The following KHDRBS2 variants were observed in gnomAD, a reference collection of about 807,000 sequenced individuals.
KHDRBS2 encodes the protein KH RNA binding domain containing, signal transduction associated 2.
In KHDRBS2, 26 loss-of-function variants were observed where a neutral mutation model predicts 44.3. That is an observed-to-expected ratio of 0.59 (90% CI 0.43 to 0.81). The LOEUF is 0.81. Ranked by LOEUF, KHDRBS2 falls within the 40% of genes least tolerant of loss-of-function variation. The pLI, the probability that KHDRBS2 is intolerant of heterozygous loss-of-function variation, is 0.00. For synonymous variants in KHDRBS2, 194 were observed against 151.1 expected (o/e 1.28, Z -2.08); for missense variants, 476 against 433.1 (o/e 1.10, Z -0.88).
At chr6:62,054,447 T>C (rs1321322607) in intron 2 of KHDRBS2, among the ~76,000 whole-genome samples, 1 of 152,026 alleles carries the variant, frequency 6.6e-6, no homozygotes, top group East Asian at 1.9e-4. Context: ...CCTAAAGATG[T>C]CCATGTTCTA....
the KHDRBS2 span, among the ~76,000 whole-genome samples, chr6:61,558,623 A>G: frequency 6.6e-6 from 1 of 152,126 alleles, no homozygotes; most frequent in Non-Finnish European, 1.5e-5. Context: ...TGTTTCTATT[A>G]TTATTTATTT....
intron 2 of KHDRBS2, among the ~76,000 whole-genome samples, chr6:62,076,501 T>C (rs1796363931): frequency 6.6e-6 from 1 of 152,028 alleles, no homozygotes; most frequent in South Asian, 2.1e-4. Context: ...TAGATAATGT[T>C]GGTTGTAGTG....
At chr6:61,909,670 T>TC (rs148085819) in intron 4 of KHDRBS2, among the ~76,000 whole-genome samples, 6 of 35,778 alleles carry the variant, frequency 1.7e-4, no homozygotes, top group Admixed American at 1.4e-3. Flanking sequence ...GTTTGGATGT[T>TC]CCAAAGGACT....
chr6:62,122,676 G>A (rs1384453130), intron 2 of KHDRBS2, among the ~76,000 whole-genome samples: 4 of 152,076 alleles, frequency 2.6e-5, no homozygotes, highest in Admixed American at 6.5e-5. Context: ...TATGAGTGGT[G>A]TCTGCATACG....
intron 2 of KHDRBS2, among the ~76,000 whole-genome samples, chr6:62,080,269 A>T (rs1341075640): frequency 6.6e-6 from 1 of 152,124 alleles, no homozygotes; most frequent in Non-Finnish European, 1.5e-5. Flanking sequence ...ACATTATTTT[A>T]CTTAGTTCTT....
At chr6:61,949,629 T>C (rs1764334158) in intron 4 of KHDRBS2, among the ~76,000 whole-genome samples, 1 of 152,144 alleles carries the variant, frequency 6.6e-6, no homozygotes, top group South Asian at 2.1e-4. Flanking sequence ...CATGACATAC[T>C]AGAAATTTTA....
At chr6:61,595,621 G>A in the KHDRBS2 span, among the ~76,000 whole-genome samples, 1 of 151,230 alleles carries the variant, frequency 6.6e-6, no homozygotes, top group Non-Finnish European at 1.5e-5. Context: ...TTGACTTTTG[G>A]TAGCTCTAAT....
intron 1 of KHDRBS2, among the ~76,000 whole-genome samples, chr6:62,200,020 C>T (rs1173471554): frequency 6.6e-6 from 1 of 152,116 alleles, no homozygotes; most frequent in Non-Finnish European, 1.5e-5. Context: ...GCTGGGAAAA[C>T]TGGCTAGCCA....
At chr6:61,601,678 G>A in the KHDRBS2 span, among the ~76,000 whole-genome samples, 3 of 151,906 alleles carry the variant, frequency 2.0e-5, no homozygotes, top group Admixed American at 2.0e-4. Flanking sequence ...AACCCCAAGT[G>A]TTGCTGAGTC....
At chr6:61,843,371 ATT>A (rs1562283781) in intron 6 of KHDRBS2, among the ~76,000 whole-genome samples, 16 of 144,572 alleles carry the variant, frequency 1.1e-4, no homozygotes, top group South Asian at 1.1e-3. Flanking sequence ...TATTATTATT[ATT>A]ATATTTTGAG....
intron 2 of KHDRBS2, among the ~76,000 whole-genome samples, chr6:62,143,859 T>C (rs1813375112): frequency 6.6e-6 from 1 of 151,916 alleles, no homozygotes; most frequent in Non-Finnish European, 1.5e-5. Flanking sequence ...GACATAAGTG[T>C]TGGGAAAAAT....
chr6:62,263,097 A>G (rs1324849169), intron 1 of KHDRBS2, among the ~76,000 whole-genome samples: 1 of 151,734 alleles, frequency 6.6e-6, no homozygotes, highest in East Asian at 1.9e-4. Flanking sequence ...AGAAAACTCA[A>G]AGGAAAGACT....
intron 2 of KHDRBS2, 127 bp from the exon 3 acceptor site, chr6:62,048,121 TAC>T (rs58133580): frequency 0.037 from 14,815 of 403,328 alleles, 6 homozygotes; most frequent in South Asian, 0.059. Context: ...GCCATAAACA[TAC>T]ACACACACAC....
intron 6 of KHDRBS2, among the ~76,000 whole-genome samples, chr6:61,786,250 A>G (rs1417669560): frequency 6.6e-6 from 1 of 152,048 alleles, no homozygotes; most frequent in Non-Finnish European, 1.5e-5. Flanking sequence ...AAAATTTGCT[A>G]TTAAATTAAT....
At chr6:62,064,517 A>G in intron 2 of KHDRBS2, among the ~76,000 whole-genome samples, 1 of 146,938 alleles carries the variant, frequency 6.8e-6, no homozygotes, top group Non-Finnish European at 1.5e-5. Flanking sequence ...CCTGAGAAAA[A>G]CAAGCAATGG....
intron 6 of KHDRBS2, among the ~76,000 whole-genome samples, chr6:61,776,109 T>C (rs201282837): frequency 0.23 from 34,489 of 151,540 alleles, 4,459 homozygotes; most frequent in South Asian, 0.35. Flanking sequence ...TGAAACTGGA[T>C]CCCTTCCTTA....
chr6:62,215,733 G>A (rs2150148415), intron 1 of KHDRBS2, among the ~76,000 whole-genome samples: 1 of 151,636 alleles, frequency 6.6e-6, no homozygotes, highest in East Asian at 1.9e-4. Context: ...CCAGTGATCA[G>A]CCCGATTATG....
chr6:62,205,081 G>A (rs759103347), intron 1 of KHDRBS2, among the ~76,000 whole-genome samples: 1 of 152,064 alleles, frequency 6.6e-6, no homozygotes, highest in Non-Finnish European at 1.5e-5. Context: ...CATTCAGATT[G>A]CCTAAACTTG....
chr6:61,953,432 G>A (rs1190129232), intron 4 of KHDRBS2, among the ~76,000 whole-genome samples: 2 of 151,956 alleles, frequency 1.3e-5, no homozygotes, highest in Admixed American at 1.3e-4. Flanking sequence ...GTTACATGCA[G>A]TGATATACAT....
Sources: gnomAD v4.1 joint callset for allele counts (sites outside exome capture counted in the v4.1 genomes callset) on GRCh38, gnomAD v4.1.1 for gene constraint, MANE v1.5 for transcripts, NCBI Gene and HGNC (gene_info 2026-07-23, HGNC 2026-07-21) for gene names.